CRACDL: variants seen among roughly 807,000 people sequenced by gnomAD.
CRACDL encodes CRACD like, also known as CRACD-like protein.
In CRACDL, 26 loss-of-function variants were observed where a neutral mutation model predicts 70.6. The ratio of observed to expected loss-of-function variants is 0.37; its 90% CI spans 0.27 to 0.51. CRACDL has a LOEUF of 0.51. Among genes scored for constraint, CRACDL ranks in the 20% least tolerant of loss-of-function variants. The pLI, the probability that CRACDL is intolerant of heterozygous loss-of-function variation, is 0.94. For missense variants in CRACDL, 1,283 were observed against 1,376.9 expected (o/e 0.93, Z 1.08); for synonymous variants, 618 against 615.2 (o/e 1.00, Z -0.07).
chr2:98,827,598 C>A (rs532324669), intron 5 of CRACDL, among the ~76,000 whole-genome samples: 1 of 152,160 alleles, frequency 6.6e-6, no homozygotes, highest in Non-Finnish European at 1.5e-5. Context: ...CCAATACTTT[C>A]AATTTGATTC....
intron 1 of CRACDL, among the ~76,000 whole-genome samples, chr2:98,925,806 G>A (rs1708897624): frequency 6.6e-6 from 1 of 152,064 alleles, no homozygotes; most frequent in African/African-American, 2.4e-5. Context: ...AGCAATGCTC[G>A]ACAGGTGGAA....
chr2:98,810,517 G>T lies in CRACDL; in HGVS notation c.2416+11340C>A, dbSNP rs191832582. On this transcript the variant is annotated intron_variant, in intron 7 of 9. Coordinates refer to ENST00000397899, the MANE Select transcript of CRACDL (RefSeq NM_207362.3). ...CAGGTTAAAGATGAGGCTGGCATGG[G>T]GACGTGGGAGGATAAAGACGCTGCA... is the stretch of plus-strand genomic sequence containing the variant. Among the ~76,000 whole-genome samples, 3 of 152,248 alleles carry T rather than the reference G, an allele frequency of 2.0e-5. No individual in the cohort carries two copies. In the East Asian group the frequency reaches 5.8e-4, roughly 29 times the overall value.
At chr2:98,911,833 G>A (rs13028500) in intron 1 of CRACDL, among the ~76,000 whole-genome samples, 73,027 of 151,476 alleles carry the variant, frequency 0.48, 19,471 homozygotes, top group African/African-American at 0.71. Context: ...AACCCCAAAC[G>A]TACCAATCTC....
chr2:98,832,925 G>A lies in CRACDL; in HGVS notation c.312C>T (p.Asp104=), dbSNP rs746340837. The A allele has an allele frequency of 3.8e-5, 61 of 1,613,970 alleles. No individual in the cohort carries two copies. Among genetic ancestry groups the A allele is most frequent in the Middle Eastern group, 1.6e-4 (1 of 6,084 alleles). ...AAAACACCCGCACAGGCCGAGTAGC[G>A]TCCTGTCCGGACTCAGGAATGAAAA... ...DSIFIPESGQ[D]ATRPVRVFSQ... Residue 104 remains aspartate, a synonymous_variant, in exon 4 of 10, where the codon GAC becomes GAT. Transcript: ENST00000397899.
intron 1 of CRACDL, 58 bp from the exon 2 acceptor site, chr2:98,846,868 G>A: frequency 7.2e-7 from 1 of 1,384,076 alleles, no homozygotes; most frequent in Admixed American, 1.7e-5. Context: ...TTACCAATGA[G>A]TGAAATGGTG....
intron 8 of CRACDL, 150 bp downstream of exon 8, chr2:98,797,200 A>G: frequency 1.4e-6 from 1 of 727,844 alleles, no homozygotes; most frequent in South Asian, 1.8e-5. Flanking sequence ...ATTTTGCTTC[A>G]TTGGCTCTCG....
chr2:98,840,130 T>C (rs1705961906), intron 2 of CRACDL, among the ~76,000 whole-genome samples: 1 of 152,174 alleles, frequency 6.6e-6, no homozygotes. Flanking sequence ...GTTTTTATAA[T>C]ATAATATTTA....
chr2:98,803,943 C>T (rs1244685147), intron 7 of CRACDL, among the ~76,000 whole-genome samples: 1 of 152,144 alleles, frequency 6.6e-6, no homozygotes. Flanking sequence ...CCTGGGGACA[C>T]ATGGGGCCAC....
Position 98,889,324 on chromosome 2 carries a change from A to G in CRACDL, c.-10-42514T>C, listed in dbSNP as rs144747787. On this transcript the variant is annotated intron_variant, in intron 1 of 9. Transcript: ENST00000397899. Reference sequence around the variant, plus strand: ...GAAAGAAAGAAAGAAAGAAAGAAAGAAAGAAAGAAAGAAAGAAAGGAAACA... The same window carrying G: ...GAAAGAAAGAAAGAAAGAAAGAAAGGAAGAAAGAAAGAAAGAAAGGAAACA... 5.6e-5 allele frequency among the ~76,000 whole-genome samples: 8 copies of G among 143,160 alleles called. No homozygotes were observed. In the East Asian group the frequency reaches 1.6e-3, roughly 28 times the overall value. The allele number at this position is 143,160 out of a possible 152,430, so 93.9% of individuals were successfully genotyped here.
intron 1 of CRACDL, among the ~76,000 whole-genome samples, chr2:98,881,974 TG>T: frequency 6.6e-6 from 1 of 152,274 alleles, no homozygotes; most frequent in Non-Finnish European, 1.5e-5. Context: ...TTTCTAATCC[TG>T]GGGGAGGACC....
At chr2:98,799,854 T>G (rs1704000129) in intron 7 of CRACDL, among the ~76,000 whole-genome samples, 1 of 152,166 alleles carries the variant, frequency 6.6e-6, no homozygotes, top group Non-Finnish European at 1.5e-5. Context: ...TGGGGGAGCC[T>G]GTCCTCCTGG....
intron 1 of CRACDL, among the ~76,000 whole-genome samples, chr2:98,870,196 G>A (rs1707292674): frequency 6.6e-6 from 1 of 152,230 alleles, no homozygotes; most frequent in African/African-American, 2.4e-5. Context: ...AATATCTGGA[G>A]TGTTGACAGA....
chr2:98,837,186 C>A, intron 3 of CRACDL, among the ~76,000 whole-genome samples: 1 of 146,812 alleles, frequency 6.8e-6, no homozygotes, highest in Non-Finnish European at 1.5e-5. Flanking sequence ...ACAATCAAAA[C>A]CTAAATCAAA....
At chr2:98,921,652 C>T (rs955051042) in intron 1 of CRACDL, among the ~76,000 whole-genome samples, 4 of 152,236 alleles carry the variant, frequency 2.6e-5, no homozygotes, top group Admixed American at 2.0e-4. Flanking sequence ...TCCCACATAT[C>T]CATCTCTTGG....
chr2:98,862,693 A>G (rs968415980), intron 1 of CRACDL, among the ~76,000 whole-genome samples: 8 of 152,340 alleles, frequency 5.3e-5, no homozygotes, highest in Admixed American at 5.2e-4. Flanking sequence ...GCAGAAGAAG[A>G]ATCTGCAAAC....
intron 7 of CRACDL, among the ~76,000 whole-genome samples, chr2:98,805,673 TAGG>T (rs1704261917): frequency 6.6e-6 from 1 of 152,146 alleles, no homozygotes; most frequent in Non-Finnish European, 1.5e-5. Flanking sequence ...CTTTGCAGCC[TAGG>T]GGCAAACAGA....
intron 6 of CRACDL, among the ~76,000 whole-genome samples, chr2:98,824,630 G>C (rs2104476514): frequency 6.6e-6 from 1 of 152,308 alleles, no homozygotes; most frequent in Non-Finnish European, 1.5e-5. Flanking sequence ...TAGACACCAA[G>C]AGTCACCCAG....
Position 98,823,016 on chromosome 2 carries a change from G to C in CRACDL, c.1257C>G (p.Ala419=). Residue 419 remains alanine, a synonymous_variant, in exon 7 of 10, where the codon GCC becomes GCG. Transcript: ENST00000397899. The surrounding 1 kb of genome is among the most constrained non-coding windows in gnomAD (Gnocchi z 4.0). ...GAGCAGAGGGCGCCTCTGAGGTGGC[G>C]GCGGGGTCAGTCTCGGGGGGAGTCG... ...GDTTPPETDP[A]ATSEAPSARD... 5.3e-6 allele frequency: 8 copies of C among 1,519,050 alleles called. No homozygotes were observed. Among genetic ancestry groups the C allele is most frequent in the Non-Finnish European group, 7.1e-6 (8 of 1,133,774 alleles). The allele number at this position is 1,519,050 out of a possible 1,614,324, so 94.1% of individuals were successfully genotyped here. A position where few individuals can be genotyped will look rare whatever the true frequency, so the allele number is the denominator to read the frequency against.
chr2:98,863,068 A>G (rs553180749), intron 1 of CRACDL, among the ~76,000 whole-genome samples: 82 of 152,216 alleles, frequency 5.4e-4, no homozygotes, highest in African/African-American at 2.0e-3. Context: ...ATGAAATCCA[A>G]GTAGGATGAA....
Sources: gnomAD v4.1 joint callset for allele counts (sites outside exome capture counted in the v4.1 genomes callset) on GRCh38, gnomAD v4.1.1 for gene constraint, Gnocchi (gnomAD v3.1) non-coding constraint, MANE v1.5 for transcripts, NCBI Gene and HGNC (gene_info 2026-07-23, HGNC 2026-07-21) for gene names.